RIC1: variants seen among roughly 807,000 people sequenced by gnomAD.
RIC1 encodes RIC1 partner of RAB6A GEF complex, also known as guanine nucleotide exchange factor subunit RIC1.
A neutral mutation model predicts 169.0 loss-of-function variants in RIC1; 88 were observed. The ratio of observed to expected loss-of-function variants is 0.52; its 90% CI spans 0.44 to 0.62. The LOEUF (loss-of-function observed/expected upper bound fraction) is 0.62. Ranked by LOEUF, RIC1 falls within the 20% of genes least tolerant of loss-of-function variation. The pLI is 0.00. For synonymous variants in RIC1, 790 were observed against 601.5 expected, an observed-to-expected ratio of 1.31 and a Z score of -4.59; for missense variants, 1,877 against 1,725.5, an observed-to-expected ratio of 1.09 and a Z score of -1.56.
chr9:5,668,184 C>G (rs760489752), intron 2 of RIC1, among the ~76,000 whole-genome samples: 42 of 152,030 alleles, frequency 2.8e-4, no homozygotes, highest in African/African-American at 9.7e-4. Flanking sequence ...ACGAGAACAC[C>G]GTGAGGGTAC....
intron 3 of RIC1, among the ~76,000 whole-genome samples, chr9:5,708,323 C>G (rs1334891780): frequency 1.3e-5 from 2 of 151,992 alleles, no homozygotes; most frequent in African/African-American, 4.8e-5. Context: ...ATTTCTGAAC[C>G]AAAAATACTG....
rs150412068 is a variant in RIC1 at position 5,724,508 on chromosome 9, G to A, written c.720+3758G>A. On this transcript the variant is annotated intron_variant, in intron 6 of 25. Transcript: ENST00000414202. ...TATACAATCATGTCATCTGCAAACA[G>A]GGACAATTTGACTTCCTCTTTTCCT... Among the ~76,000 whole-genome samples, 808 of 152,290 alleles carry A rather than the reference G, an allele frequency of 5.3e-3. 21 individuals are homozygous for A. Among genetic ancestry groups the A allele is most frequent in the Admixed American group, 0.043 (657 of 15,290 alleles).
chr9:5,712,306 T>G (rs1371544017), intron 3 of RIC1, among the ~76,000 whole-genome samples: 1 of 152,212 alleles, frequency 6.6e-6, no homozygotes, highest in African/African-American at 2.4e-5. Context: ...TGGTTTTGAT[T>G]TGCATTTCTC....
intron 2 of RIC1, among the ~76,000 whole-genome samples, chr9:5,674,303 AT>A (rs1373391632): frequency 6.6e-6 from 1 of 152,174 alleles, no homozygotes; most frequent in Non-Finnish European, 1.5e-5. Flanking sequence ...TCCTGTATGA[AT>A]TTTAAAATTC....
intron 3 of RIC1, among the ~76,000 whole-genome samples, chr9:5,690,830 G>A (rs1018711005): frequency 6.6e-6 from 1 of 151,740 alleles, no homozygotes; most frequent in African/African-American, 2.4e-5. Flanking sequence ...TTGCCAATAA[G>A]CACACAGAGA....
rs1297806381 is a variant in RIC1 at position 5,720,731 on chromosome 9, C to G, written c.701C>G (p.Ser234Ter). 6.2e-7 allele frequency: 1 copy of G among 1,608,092 alleles called. No homozygotes were observed. The highest frequency in any genetic ancestry group is 8.5e-7 in the Non-Finnish European group (1 of 1,177,798). The change falls in exon 6 of 26, where the codon TCA becomes TGA. Residue 234 changes from serine to a stop codon, truncating the protein, a stop_gained. Coordinates refer to ENST00000414202, the MANE Select transcript of RIC1 (RefSeq NM_020829.4). LOFTEE classifies it high-confidence loss of function. ...AAAGTTGGATTTATTACACCAGTGT[C>G]AAGTAGATTTACTGCAGAGGTATGA... is the stretch of plus-strand genomic sequence containing the variant. ...DGKVGFITPV[S>*]SRFTAEQLHG... is the part of the protein sequence containing the mutation.
At chr9:5,636,852 T>C (rs7041539) in intron 1 of RIC1, among the ~76,000 whole-genome samples, 20,006 of 152,154 alleles carry the variant, frequency 0.13, 2,172 homozygotes, top group African/African-American at 0.3. Context: ...GCTTTATTTC[T>C]CCAGCTAGAT....
At chr9:5,725,430 T>C (rs1379538484) in intron 6 of RIC1, among the ~76,000 whole-genome samples, 1 of 152,228 alleles carries the variant, frequency 6.6e-6, no homozygotes, top group African/African-American at 2.4e-5. Flanking sequence ...TTATTGCGTC[T>C]ACTTGATTCT....
chr9:5,660,402 G>A (rs1819384535), intron 2 of RIC1, among the ~76,000 whole-genome samples: 1 of 152,222 alleles, frequency 6.6e-6, no homozygotes, highest in East Asian at 1.9e-4. Flanking sequence ...CGGTATTTCT[G>A]CCTCTAGGTC....
intron 2 of RIC1, among the ~76,000 whole-genome samples, chr9:5,679,770 A>T (rs1251733082): frequency 6.6e-6 from 1 of 152,220 alleles, no homozygotes; most frequent in Non-Finnish European, 1.5e-5. Flanking sequence ...TAGATATACA[A>T]TCATGTCATC....
In RIC1 at chr9:5,774,365, TTAG is replaced by T. The variant is rs1586741534; in HGVS notation, c.*123_*125del. 11 of 747,898 alleles carry T rather than the reference TTAG, an allele frequency of 1.5e-5. No individual in the cohort carries two copies. In the East Asian group the frequency reaches 2.7e-4, roughly 18 times the overall value. 46.3% of individuals were successfully genotyped at this position (747,898 alleles called of 1,614,324 possible). A position where few individuals can be genotyped will look rare whatever the true frequency, so the allele number is the denominator to read the frequency against. ...CAGTTCAGAGACTCTTCGGTAAGTA[TTAG>T]TAGATTTTAACTAATTCTTTCTTGT... On this transcript the variant is annotated 3_prime_UTR_variant, in exon 26 of 26. Transcript: ENST00000414202.
chr9:5,702,443 C>A (rs972715200), intron 3 of RIC1, among the ~76,000 whole-genome samples: 5 of 152,334 alleles, frequency 3.3e-5, no homozygotes, highest in Non-Finnish European at 7.4e-5. Context: ...GGGAAGCAGG[C>A]ACCTCTTACA....
rs557821875 is a variant in RIC1 at position 5,637,921 on chromosome 9, G to A, written c.144+8468G>A. Among the ~76,000 whole-genome samples the A allele has an allele frequency of 2.6e-5, 4 of 152,264 alleles. No homozygotes were observed. In the East Asian group the frequency reaches 7.7e-4, roughly 29 times the overall value. On this transcript the variant is annotated intron_variant, in intron 1 of 25. Coordinates refer to ENST00000414202, the MANE Select transcript of RIC1 (RefSeq NM_020829.4). ...TAGTGAAGGTGGGCATCTTTGTCGT[G>A]TTCCAGATCTTAGAGGAAAGGCTTT...
intron 4 of RIC1, among the ~76,000 whole-genome samples, chr9:5,715,669 C>T (rs1348898824): frequency 6.6e-6 from 1 of 152,134 alleles, no homozygotes; most frequent in Admixed American, 6.5e-5. Context: ...AGAGTACTAT[C>T]TCATCTTTTA....
Position 5,656,699 on chromosome 9 carries a change from A to C in RIC1, c.252+9A>C. ...CCATGATAGCTGTATCAGTAAGTAGATTTTACCGCTAAATAGTGTTTTCTT... is the reference window on the plus strand; with the variant it reads ...CCATGATAGCTGTATCAGTAAGTAGCTTTTACCGCTAAATAGTGTTTTCTT... On this transcript the variant is annotated intron_variant, in intron 2 of 25. Transcript: ENST00000414202. 1 of 1,436,236 alleles carries C rather than the reference A, an allele frequency of 7.0e-7. No homozygotes were observed. The highest frequency in any genetic ancestry group is 9.7e-7 in the Non-Finnish European group (1 of 1,030,458). The allele number at this position is 1,436,236 out of a possible 1,614,324, so 89.0% of individuals were successfully genotyped here. A position where few individuals can be genotyped will look rare whatever the true frequency, so the allele number is the denominator to read the frequency against.
At chr9:5,673,426 T>A (rs1237770933) in intron 2 of RIC1, among the ~76,000 whole-genome samples, 3 of 151,392 alleles carry the variant, frequency 2.0e-5, no homozygotes, top group Non-Finnish European at 4.4e-5. Flanking sequence ...ATTTTTTGGA[T>A]AAATTTGGCA....
intron 1 of RIC1, among the ~76,000 whole-genome samples, chr9:5,639,836 C>G (rs1239529757): frequency 1.3e-5 from 2 of 152,190 alleles, no homozygotes; most frequent in Non-Finnish European, 2.9e-5. Flanking sequence ...TAATGACATT[C>G]TTTGTCTCAC....
intron 2 of RIC1, among the ~76,000 whole-genome samples, chr9:5,677,712 A>G (rs1820535922): frequency 6.6e-6 from 1 of 152,068 alleles, no homozygotes; most frequent in Admixed American, 6.5e-5. Flanking sequence ...TGTAAACATT[A>G]AAACACAGGA....
intron 2 of RIC1, among the ~76,000 whole-genome samples, chr9:5,664,627 T>G (rs2130515019): frequency 6.6e-6 from 1 of 152,276 alleles, no homozygotes; most frequent in Middle Eastern, 3.4e-3. Flanking sequence ...TACTGAGGTT[T>G]TCTGCATTTC....
Sources: allele counts gnomAD v4.1 joint callset (sites outside exome capture counted in the v4.1 genomes callset), GRCh38; gene constraint gnomAD v4.1.1; transcripts MANE v1.5; gene names NCBI Gene and HGNC (gene_info 2026-07-23, HGNC 2026-07-21).